KHDRBS2: variants seen among roughly 807,000 people sequenced by gnomAD.
KHDRBS2 encodes the protein KH RNA binding domain containing, signal transduction associated 2, also known as KH domain-containing, RNA-binding, signal transduction-associated protein 2.
A neutral mutation model predicts 44.3 loss-of-function variants in KHDRBS2; 26 were observed. The ratio of observed to expected loss-of-function variants is 0.59; its 90% CI spans 0.43 to 0.81. The LOEUF (loss-of-function observed/expected upper bound fraction) is 0.81, where lower values mean the gene tolerates loss of function less well. Among genes scored for constraint, KHDRBS2 ranks in the 40% least tolerant of loss-of-function variants. The probability of loss-of-function intolerance (pLI) is 0.00; values close to 1 mark genes in which losing one functional copy is unlikely to be tolerated. For missense variants in KHDRBS2, 476 were observed against 433.1 expected (o/e 1.10, Z -0.88); for synonymous variants, 194 against 151.1 (o/e 1.28, Z -2.08).
chr6:61,994,589 G>C (rs555111532), intron 3 of KHDRBS2, among the ~76,000 whole-genome samples: 19 of 152,204 alleles, frequency 1.2e-4, no homozygotes, highest in Admixed American at 1.0e-3. Flanking sequence ...GGTGGTCTCT[G>C]ACCTGAGAGA....
At chr6:61,833,497 C>CA (rs1456460282) in intron 6 of KHDRBS2, among the ~76,000 whole-genome samples, 3 of 152,040 alleles carry the variant, frequency 2.0e-5, no homozygotes, top group African/African-American at 7.2e-5. Context: ...ATTCCCAGTT[C>CA]AAAAAACCTT....
chr6:61,560,030 G>A, the KHDRBS2 span, among the ~76,000 whole-genome samples: 1 of 151,984 alleles, frequency 6.6e-6, no homozygotes, highest in Non-Finnish European at 1.5e-5. Flanking sequence ...TTTTGCTTGG[G>A]CAAATCTTTA....
At position 61,793,534 on chromosome 6, in the gene KHDRBS2, G is replaced by A. The variant is rs369782025; in HGVS notation, c.811-60770C>T. Among the ~76,000 whole-genome samples the A allele has an allele frequency of 2.4e-3, 365 of 151,910 alleles. 2 individuals are homozygous for A. The highest frequency in any genetic ancestry group is 8.0e-3 in the African/African-American group (333 of 41,474). On this transcript the variant is annotated intron_variant, in intron 6 of 8. Coordinates refer to ENST00000281156, the MANE Select transcript of KHDRBS2 (RefSeq NM_152688.4). ...GAGGGAAATCAGGATAAGGAGAAGT[G>A]AAAAAGAAGTTTCAACAAAACTGTA...
chr6:61,551,718 C>T, the KHDRBS2 span, among the ~76,000 whole-genome samples: 7 of 152,194 alleles, frequency 4.6e-5, no homozygotes, highest in Middle Eastern at 6.8e-3. Flanking sequence ...TCCCACTAGT[C>T]TATGTGTTTG....
intron 6 of KHDRBS2, among the ~76,000 whole-genome samples, chr6:61,859,558 C>T (rs1796624115): frequency 6.6e-6 from 1 of 151,738 alleles, no homozygotes; most frequent in African/African-American, 2.4e-5. Flanking sequence ...AAAACAGTTG[C>T]TTACAGCCTC....
chr6:61,648,264 TC>T, the KHDRBS2 span, among the ~76,000 whole-genome samples: 1 of 152,154 alleles, frequency 6.6e-6, no homozygotes, highest in Non-Finnish European at 1.5e-5. Flanking sequence ...TTCCATTTTC[TC>T]CCTATATTAT....
chr6:61,610,212 C>CTG, the KHDRBS2 span, among the ~76,000 whole-genome samples: 4 of 151,654 alleles, frequency 2.6e-5, no homozygotes, highest in African/African-American at 9.7e-5. Flanking sequence ...GAAAACAAAA[C>CTG]TTGAAAAAAC....
the KHDRBS2 span, among the ~76,000 whole-genome samples, chr6:61,607,085 G>A: frequency 0.2 from 29,875 of 151,602 alleles, 3,378 homozygotes; most frequent in South Asian, 0.33. Flanking sequence ...TTCAGGATAC[G>A]CATGATTAAT....
At chr6:61,979,811 A>G (rs774225520) in intron 3 of KHDRBS2, among the ~76,000 whole-genome samples, 1 of 152,122 alleles carries the variant, frequency 6.6e-6, no homozygotes, top group Non-Finnish European at 1.5e-5. Flanking sequence ...GCTAAGGTGC[A>G]AGCTGCTTGT....
intron 7 of KHDRBS2, among the ~76,000 whole-genome samples, chr6:61,730,956 G>C (rs1774343032): frequency 6.6e-6 from 1 of 151,962 alleles, no homozygotes; most frequent in Non-Finnish European, 1.5e-5. Context: ...CACCAGAAGA[G>C]AGAATGTCCC....
chr6:61,665,903 T>C, the KHDRBS2 span, among the ~76,000 whole-genome samples: 3 of 150,940 alleles, frequency 2.0e-5, no homozygotes, highest in Non-Finnish European at 4.5e-5. Flanking sequence ...TTTCACATTT[T>C]ATACATTGAA....
At chr6:61,965,449 G>A (rs532954952) in intron 4 of KHDRBS2, among the ~76,000 whole-genome samples, 11 of 152,082 alleles carry the variant, frequency 7.2e-5, no homozygotes, top group South Asian at 2.1e-4. Context: ...TGTAGTTTTC[G>A]GGTTAACATT....
At chr6:61,861,666 T>G (rs577649325) in intron 6 of KHDRBS2, among the ~76,000 whole-genome samples, 53 of 152,168 alleles carry the variant, frequency 3.5e-4, no homozygotes, top group African/African-American at 8.7e-4. Flanking sequence ...TTTTGTTTTT[T>G]TTTTTCTTAG....
chr6:62,099,565 C>G (rs182086319), intron 2 of KHDRBS2, among the ~76,000 whole-genome samples: 1 of 152,164 alleles, frequency 6.6e-6, no homozygotes, highest in African/African-American at 2.4e-5. Context: ...CCATGATAAC[C>G]CACTTGGGTC....
the KHDRBS2 span, among the ~76,000 whole-genome samples, chr6:61,551,851 T>G: frequency 6.6e-6 from 1 of 152,118 alleles, no homozygotes; most frequent in East Asian, 1.9e-4. Context: ...TCAGGCCTTT[T>G]TTTTGGTTCC....
chr6:61,743,721 G>A (rs1376988007), intron 6 of KHDRBS2, among the ~76,000 whole-genome samples: 1 of 151,646 alleles, frequency 6.6e-6, no homozygotes. Flanking sequence ...ATGTTGGTGT[G>A]CTGCACCCAT....
At chr6:61,703,733 A>C (rs1769046219) in intron 7 of KHDRBS2, among the ~76,000 whole-genome samples, 1 of 151,906 alleles carries the variant, frequency 6.6e-6, no homozygotes, top group Non-Finnish European at 1.5e-5. Flanking sequence ...ACATGTAGAT[A>C]TATCAACTCT....
At chr6:61,908,535 G>A (rs1452984522) in intron 4 of KHDRBS2, among the ~76,000 whole-genome samples, 7 of 151,548 alleles carry the variant, frequency 4.6e-5, no homozygotes, top group Non-Finnish European at 8.8e-5. Flanking sequence ...TTGGGAGGCT[G>A]AGGCAGGAGA....
At chr6:62,142,112 T>TAG (rs969143671) in intron 2 of KHDRBS2, among the ~76,000 whole-genome samples, 1 of 151,742 alleles carries the variant, frequency 6.6e-6, no homozygotes, top group Non-Finnish European at 1.5e-5. Context: ...TTGTGGGAAA[T>TAG]AGAGAGAGAA....
Sources: gnomAD v4.1 joint callset for allele counts (sites outside exome capture counted in the v4.1 genomes callset) on GRCh38, gnomAD v4.1.1 for gene constraint, MANE v1.5 for transcripts, NCBI Gene and HGNC (gene_info 2026-07-23, HGNC 2026-07-21) for gene names.